Variants in ZMYM4 observed in about 807,000 individuals in gnomAD.
The protein encoded by ZMYM4 is zinc finger MYM-type protein 4.
In ZMYM4, 31 loss-of-function variants were observed where a neutral mutation model predicts 183.2. That is an observed-to-expected ratio of 0.17 (90% CI 0.13 to 0.23). ZMYM4 has a LOEUF of 0.23. ZMYM4 is among the 10% of genes least tolerant of loss of function. ZMYM4 has a pLI of 1.00. For missense variants in ZMYM4, 1,273 were observed against 1,840.3 expected, an observed-to-expected ratio of 0.69 and a Z score of 5.64; for synonymous variants, 592 against 631.2, an observed-to-expected ratio of 0.94 and a Z score of 0.93.
chr1:35,276,144 AAT>A (rs1258221793), intron 1 of ZMYM4, among the ~76,000 whole-genome samples: 1 of 152,102 alleles, frequency 6.6e-6, no homozygotes, highest in East Asian at 1.9e-4. Context: ...TACACTTCCC[AAT>A]ATGTCTTACA....
At chr1:35,277,805 C>T (rs1259954017) in intron 1 of ZMYM4, among the ~76,000 whole-genome samples, 3 of 151,952 alleles carry the variant, frequency 2.0e-5, no homozygotes, top group East Asian at 1.9e-4. Context: ...AATTGATGCC[C>T]GCCCTCACAA....
intron 2 of ZMYM4, chr1:35,358,709 C>G (rs776695164): frequency 6.5e-6 from 3 of 459,772 alleles, no homozygotes; most frequent in Non-Finnish European, 1.1e-5. Flanking sequence ...CTTTTCTAAC[C>G]TAAAGTAGTT....
At chr1:35,305,302 AG>A (rs1641485315) in intron 1 of ZMYM4, among the ~76,000 whole-genome samples, 1 of 152,192 alleles carries the variant, frequency 6.6e-6, no homozygotes, top group Non-Finnish European at 1.5e-5. Flanking sequence ...CTGCAGCCAC[AG>A]TTGGAGATTT....
In ZMYM4 at chr1:35,399,472, A is replaced by G; in HGVS notation, c.3434-10A>G. On this transcript the variant is annotated splice_polypyrimidine_tract_variant and intron_variant, in intron 22 of 29. Coordinates refer to ENST00000314607, the MANE Select transcript of ZMYM4 (RefSeq NM_005095.3). Reference sequence around the variant, plus strand: ...TTACCTCATGTTGTCCTTTCTGCTGATTATTATAGACTCCTTTGACCCACT... The same window carrying G: ...TTACCTCATGTTGTCCTTTCTGCTGGTTATTATAGACTCCTTTGACCCACT... The G allele has an allele frequency of 6.2e-7, 1 of 1,612,934 alleles. No individual in the cohort carries two copies. Among genetic ancestry groups the G allele is most frequent in the Non-Finnish European group, 8.5e-7 (1 of 1,179,242 alleles).
At chr1:35,291,721 T>C (rs577143194) in intron 1 of ZMYM4, among the ~76,000 whole-genome samples, 1 of 149,834 alleles carries the variant, frequency 6.7e-6, no homozygotes, top group East Asian at 2.0e-4. Flanking sequence ...CACTGCAACC[T>C]ATGCCTCCTG....
At chr1:35,278,464 C>T (rs371604175) in intron 1 of ZMYM4, among the ~76,000 whole-genome samples, 4 of 148,908 alleles carry the variant, frequency 2.7e-5, no homozygotes, top group African/African-American at 7.4e-5. Flanking sequence ...TTCACTCTCT[C>T]GCCCAGGCTG....
chr1:35,324,547 T>A (rs1176433175), intron 1 of ZMYM4, among the ~76,000 whole-genome samples: 3 of 152,244 alleles, frequency 2.0e-5, no homozygotes, highest in Non-Finnish European at 4.4e-5. Context: ...TACTACTGAT[T>A]ACTATAGCTA....
At chr1:35,342,162 AT>A (rs1393236018) in intron 2 of ZMYM4, among the ~76,000 whole-genome samples, 1 of 151,604 alleles carries the variant, frequency 6.6e-6, no homozygotes, top group Admixed American at 6.6e-5. Context: ...TGTTCATTTC[AT>A]TTTTGTTGTT....
At position 35,343,758 on chromosome 1, in the gene ZMYM4, G is replaced by A. The variant is rs542695645; in HGVS notation, c.86-15167G>A. On this transcript the variant is annotated intron_variant, in intron 2 of 29. Transcript: ENST00000314607. ...CGGGCACCTGTAATCCCAGCTACTC[G>A]GGAGGCTGAGGCAGACAATTGCTTG... is the stretch of plus-strand genomic sequence containing the variant. 7.2e-5 allele frequency among the ~76,000 whole-genome samples: 11 copies of A among 151,932 alleles called. No individual in the cohort carries two copies. In the South Asian group the frequency reaches 1.9e-3, roughly 26 times the overall value.
At chr1:35,402,685 T>C (rs1644931670) in intron 23 of ZMYM4, among the ~76,000 whole-genome samples, 1 of 152,202 alleles carries the variant, frequency 6.6e-6, no homozygotes, top group Admixed American at 6.5e-5. Flanking sequence ...AGATAATTTT[T>C]TCTTCTATGA....
chr1:35,317,232 A>G (rs549072001), intron 1 of ZMYM4, among the ~76,000 whole-genome samples: 4 of 151,752 alleles, frequency 2.6e-5, no homozygotes, highest in African/African-American at 9.7e-5. Context: ...CTGGAGTTCG[A>G]GACCAGCTTG....
At chr1:35,337,881 G>T (rs1319564357) in intron 2 of ZMYM4, among the ~76,000 whole-genome samples, 1 of 152,184 alleles carries the variant, frequency 6.6e-6, no homozygotes, top group Non-Finnish European at 1.5e-5. Context: ...GGAGGTTGCA[G>T]TGAGCCAGGA....
intron 6 of ZMYM4, 47 bp downstream of exon 6, chr1:35,370,160 A>G (rs747866280): frequency 2.4e-5 from 38 of 1,588,702 alleles, no homozygotes; most frequent in Non-Finnish European, 2.9e-5. Context: ...TCTGACCAAT[A>G]TGAATGAGAA....
intron 1 of ZMYM4, among the ~76,000 whole-genome samples, chr1:35,307,735 C>T (rs1641604448): frequency 6.6e-6 from 1 of 151,602 alleles, no homozygotes; most frequent in Non-Finnish European, 1.5e-5. Flanking sequence ...AGGGTTTCAC[C>T]GTGTTAGCTA....
At position 35,419,434 on chromosome 1, in the gene ZMYM4, TTCTTTTTTC is replaced by T. The variant is rs527452510; in HGVS notation, c.4440-27_4440-19del. 1.7e-4 allele frequency: 273 copies of T among 1,599,038 alleles called. No homozygotes were observed. In the East Asian group the frequency reaches 5.8e-3, roughly 34 times the overall value. On this transcript the variant is annotated intron_variant, in intron 29 of 29. Transcript: ENST00000314607. Reference sequence around the variant, plus strand: ...TTCCTATACTCTCTGATTTCTAATTTTCTTTTTTCTCTTTTTTTTTTTCCCCTGTGGATA... The same window carrying T: ...TTCCTATACTCTCTGATTTCTAATTTTCTTTTTTTTTTTCCCCTGTGGATA...
chr1:35,397,022 AT>A lies in ZMYM4; in HGVS notation c.3031-349del, dbSNP rs1247663305. 5 of 944,404 alleles carry A rather than the reference AT, an allele frequency of 5.3e-6. No individual in the cohort carries two copies. In the African/African-American group the frequency reaches 8.7e-5, roughly 16 times the overall value. 58.5% of individuals were successfully genotyped at this position (944,404 alleles called of 1,614,324 possible). A position where few individuals can be genotyped will look rare whatever the true frequency, so the allele number is the denominator to read the frequency against. Reference sequence around the variant, plus strand: ...CTCATTTTTGATTAAAGAAAAATGTATTTTTTAATTACAAATTTATTTTTCC... The same window carrying A: ...CTCATTTTTGATTAAAGAAAAATGTATTTTTAATTACAAATTTATTTTTCC... On this transcript the variant is annotated intron_variant, in intron 19 of 29. Coordinates refer to ENST00000314607, the MANE Select transcript of ZMYM4 (RefSeq NM_005095.3).
intron 25 of ZMYM4, among the ~76,000 whole-genome samples, chr1:35,406,248 CTCAT>C (rs1378066204): frequency 6.6e-6 from 1 of 152,178 alleles, no homozygotes; most frequent in Non-Finnish European, 1.5e-5. Flanking sequence ...CAGTGACTAA[CTCAT>C]TGAGTTCCTA....
rs766631584 is a variant in ZMYM4, at chr1:35,292,923, A to G, written c.39+23838A>G. Among the ~76,000 whole-genome samples, 24 of 152,180 alleles carry G rather than the reference A, an allele frequency of 1.6e-4. 1 individual carries two copies. The highest frequency in any genetic ancestry group is 4.6e-4 in the Admixed American group (7 of 15,284). ...GCCCTATCTATTCTAGACCTTCTGA[A>G]GTAGAACATGAGGGAGAAGGTGAAG... is the stretch of plus-strand genomic sequence containing the variant. On this transcript the variant is annotated intron_variant, in intron 1 of 29. Coordinates refer to ENST00000314607, the MANE Select transcript of ZMYM4 (RefSeq NM_005095.3).
chr1:35,289,614 G>GT (rs1458591060), intron 1 of ZMYM4, among the ~76,000 whole-genome samples: 1 of 152,142 alleles, frequency 6.6e-6, no homozygotes, highest in Non-Finnish European at 1.5e-5. Context: ...GGTTCTCAAC[G>GT]TTGGCACTGT....
Sources: gnomAD v4.1 joint callset for allele counts (sites outside exome capture counted in the v4.1 genomes callset) on GRCh38, gnomAD v4.1.1 for gene constraint, MANE v1.5 for transcripts, NCBI Gene and HGNC (gene_info 2026-07-23, HGNC 2026-07-21) for gene names.